The following IL13RA1 variants were observed in gnomAD, a reference collection of about 807,000 sequenced individuals.
IL13RA1 encodes interleukin-13 receptor subunit alpha-1.
A neutral mutation model predicts 33.8 loss-of-function variants in IL13RA1; 14 were observed. That is an observed-to-expected ratio of 0.41 (90% CI 0.27 to 0.65). The LOEUF (loss-of-function observed/expected upper bound fraction) is 0.65, where lower values mean the gene tolerates loss of function less well. Ranked by LOEUF, IL13RA1 falls within the 30% of genes least tolerant of loss-of-function variation. IL13RA1 has a pLI of 0.28. For synonymous variants in IL13RA1, 116 were observed against 115.7 expected (o/e 1.00, Z -0.02); for missense variants, 313 against 327.0 (o/e 0.96, Z 0.33).
chrX:118,789,451 A>G (rs1030648001), intron 10 of IL13RA1, among the ~76,000 whole-genome samples: 2 of 112,185 alleles, frequency 1.8e-5, no homozygotes, highest in South Asian at 7.3e-4. Context: ...TGCCAAGTTA[A>G]TAGATGAGAA....
the IL13RA1 span, among the ~76,000 whole-genome samples, chrX:118,800,602 G>A: frequency 9.1e-6 from 1 of 110,311 alleles, no homozygotes; most frequent in South Asian, 4.0e-4. Flanking sequence ...CAGTCACGGC[G>A]TGGGTCCGCG....
intron 9 of IL13RA1, among the ~76,000 whole-genome samples, chrX:118,775,306 G>C (rs1009718414): frequency 2.7e-5 from 3 of 111,287 alleles, no homozygotes; most frequent in African/African-American, 3.3e-5. Flanking sequence ...GAGTGGCAGC[G>C]AGGGAGGACA....
At chrX:118,757,242 A>G (rs1336493159) in intron 4 of IL13RA1, among the ~76,000 whole-genome samples, 1 of 111,772 alleles carries the variant, frequency 8.9e-6, no homozygotes, top group Admixed American at 9.5e-5. Flanking sequence ...TCAAAAAGGA[A>G]CAATCTAGGC....
In IL13RA1 at chrX:118,758,259, C is replaced by T; in HGVS notation, c.676+17C>T. The T allele has an allele frequency of 1.3e-6, 1 of 761,773 alleles. No homozygotes were observed. The highest frequency in any genetic ancestry group is 1.9e-6 in the Non-Finnish European group (1 of 517,200). 62.8% of individuals were successfully genotyped at this position (761,773 alleles called of 1,213,427 possible). ...CTTCCCGTGGTAAGTTTTAGAAGTCCTCTAAAACAGTATGGATAAAAAGTG... is the reference window on the plus strand; with the variant it reads ...CTTCCCGTGGTAAGTTTTAGAAGTCTTCTAAAACAGTATGGATAAAAAGTG... On this transcript the variant is annotated intron_variant, in intron 5 of 10. Transcript: ENST00000371666.
At chrX:118,749,417 C>T (rs1295307909) in intron 3 of IL13RA1, among the ~76,000 whole-genome samples, 1 of 111,487 alleles carries the variant, frequency 9.0e-6, no homozygotes, top group Non-Finnish European at 1.9e-5. Context: ...TAGTTAGGGT[C>T]CCTCAGTGAT....
At chrX:118,778,435 G>A (rs2017809382) in intron 10 of IL13RA1, among the ~76,000 whole-genome samples, 1 of 111,342 alleles carries the variant, frequency 9.0e-6, no homozygotes, top group African/African-American at 3.3e-5. Context: ...TATCTGGAGC[G>A]AGTATGATAG....
At chrX:118,742,310 G>A (rs183833405) in intron 2 of IL13RA1, among the ~76,000 whole-genome samples, 25 of 112,305 alleles carry the variant, frequency 2.2e-4, no homozygotes, top group Non-Finnish European at 2.3e-4. Context: ...CAGTGAGACT[G>A]GAGTTTGCCT....
intron 10 of IL13RA1, among the ~76,000 whole-genome samples, chrX:118,779,010 C>T (rs1233132288): frequency 8.9e-6 from 1 of 112,171 alleles, no homozygotes; most frequent in Non-Finnish European, 1.9e-5. Flanking sequence ...AGATAGAATG[C>T]TTGTTCTGAA....
At position 118,791,819 on chromosome X, in the gene IL13RA1, G is replaced by A. The variant is rs1173881210; in HGVS notation, c.1249G>A (p.Val417Met). The change falls in exon 11 of 11, where the codon GTG becomes ATG. Residue 417 changes from valine to methionine, a missense_variant. Val to Met is a conservative substitution (Grantham distance 21). Coordinates refer to ENST00000371666, the MANE Select transcript of IL13RA1 (RefSeq NM_001560.3). Reference sequence around the variant, plus strand: ...AACCAAGGAGGAAACCGACTCTGTAGTGCTGATAGAAAACCTGAAGAAAGC... The same window carrying A: ...AACCAAGGAGGAAACCGACTCTGTAATGCTGATAGAAAACCTGAAGAAAGC... ...KQTKEETDSV[V>M]LIENLKKASQ The A allele has an allele frequency of 3.8e-6, 4 of 1,060,049 alleles. No homozygotes were observed. The South Asian group carries it at 7.6e-5, about 20-fold the overall frequency. The allele number at this position is 1,060,049 out of a possible 1,213,427, so 87.4% of individuals were successfully genotyped here. A position where few individuals can be genotyped will look rare whatever the true frequency, so the allele number is the denominator to read the frequency against.
chrX:118,735,388 G>A (rs1825216055), intron 1 of IL13RA1, among the ~76,000 whole-genome samples: 1 of 111,116 alleles, frequency 9.0e-6, no homozygotes, highest in African/African-American at 3.3e-5. Context: ...AGTTACGCAA[G>A]TTGTAAAGTT....
chrX:118,777,192 C>G (rs778324867), intron 10 of IL13RA1, among the ~76,000 whole-genome samples: 34 of 109,809 alleles, frequency 3.1e-4, no homozygotes, highest in Non-Finnish European at 5.7e-4. Flanking sequence ...CTTCTTGTCT[C>G]TATGAATTAA....
At chrX:118,749,261 GA>G (rs1308921185) in intron 3 of IL13RA1, among the ~76,000 whole-genome samples, 1 of 112,310 alleles carries the variant, frequency 8.9e-6, no homozygotes, top group Non-Finnish European at 1.9e-5. Context: ...TCAAAAGACA[GA>G]AAGTTAAATT....
intron 3 of IL13RA1, among the ~76,000 whole-genome samples, chrX:118,748,257 G>T (rs1349499181): frequency 9.8e-6 from 1 of 101,787 alleles, no homozygotes; most frequent in East Asian, 3.0e-4. Context: ...GCTTTGTACT[G>T]ATCACAAACA....
At chrX:118,787,286 G>C (rs146227071) in intron 10 of IL13RA1, among the ~76,000 whole-genome samples, 352 of 111,581 alleles carry the variant, frequency 3.2e-3, no homozygotes, top group Non-Finnish European at 5.3e-3. Flanking sequence ...CAGGTTCCAT[G>C]ATGCCCCCTA....
chrX:118,734,540 G>T (rs913719855), intron 1 of IL13RA1, among the ~76,000 whole-genome samples: 2 of 111,897 alleles, frequency 1.8e-5, no homozygotes, highest in African/African-American at 6.5e-5. Context: ...AGTAAATTTT[G>T]TCTAATGCTT....
the IL13RA1 span, among the ~76,000 whole-genome samples, chrX:118,800,609 C>G: frequency 9.1e-6 from 1 of 110,191 alleles, no homozygotes; most frequent in African/African-American, 3.3e-5. Context: ...GGCGTGGGTC[C>G]GCGGCTTCAT....
At chrX:118,774,206 G>A (rs1043328010) in intron 9 of IL13RA1, among the ~76,000 whole-genome samples, 5 of 105,199 alleles carry the variant, frequency 4.8e-5, no homozygotes, top group African/African-American at 1.8e-4. Flanking sequence ...CTGGAGCGCA[G>A]TGGTGTGATC....
chrX:118,772,506 CATCA>C (rs1356167489), intron 8 of IL13RA1, among the ~76,000 whole-genome samples: 2 of 112,077 alleles, frequency 1.8e-5, no homozygotes, highest in South Asian at 3.7e-4. Context: ...GATTGACTAA[CATCA>C]ATCAATATGT....
chrX:118,751,973 G>A (rs780588087), intron 4 of IL13RA1, among the ~76,000 whole-genome samples: 2 of 106,276 alleles, frequency 1.9e-5, no homozygotes, highest in South Asian at 8.5e-4. Context: ...ATTCACATCC[G>A]CACTCCTCCC....
Sources: gnomAD v4.1 joint callset for allele counts (sites outside exome capture counted in the v4.1 genomes callset) on GRCh38, gnomAD v4.1.1 for gene constraint, MANE v1.5 for transcripts, NCBI Gene and HGNC (gene_info 2026-07-23, HGNC 2026-07-21) for gene names.